TENM3: variants seen among roughly 807,000 people sequenced by gnomAD.
TENM3 encodes the protein teneurin-3.
A neutral mutation model predicts 255.1 loss-of-function variants in TENM3; 63 were observed. The ratio of observed to expected loss-of-function variants is 0.25; its 90% confidence interval spans 0.20 to 0.30. The LOEUF (loss-of-function observed/expected upper bound fraction) is 0.30. Among genes scored for constraint, TENM3 ranks in the 10% least tolerant of loss-of-function variants. The pLI is 1.00. For missense variants in TENM3, 2,929 were observed against 3,461.1 expected (o/e 0.85, Z 3.86); for synonymous variants, 1,306 against 1,322.3 (o/e 0.99, Z 0.27).
At position 182,793,604 on chromosome 4, in the gene TENM3, T is replaced by G; in HGVS notation, c.6932T>G (p.Leu2311Arg). The G allele has an allele frequency of 1.2e-6, 2 of 1,614,034 alleles. No individual in the cohort carries two copies. Among genetic ancestry groups the G allele is most frequent in the Non-Finnish European group, 1.7e-6 (2 of 1,179,876 alleles). ...TPLAVFSSNG[L>R]MLKQIQYTAY... is the part of the protein sequence containing the mutation. ...CTGGCTGTGTTCAGTAGCAATGGGCTTATGCTGAAACAGATTCAGTACACT... is the reference window on the plus strand; with the variant it reads ...CTGGCTGTGTTCAGTAGCAATGGGCGTATGCTGAAACAGATTCAGTACACT... Residue 2311 changes from leucine to arginine, a missense_variant, in exon 26 of 28, where the codon CTT becomes CGT. Physicochemically the swap from Leu to Arg is moderately radical, Grantham distance 102. Transcript: ENST00000511685. The surrounding 1 kb of genome is among the most constrained non-coding windows in gnomAD (Gnocchi z 5.7).
the TENM3 span, among the ~76,000 whole-genome samples, chr4:181,483,333 A>G: frequency 6.6e-6 from 1 of 152,106 alleles, no homozygotes; most frequent in East Asian, 1.9e-4. Flanking sequence ...TTGTTGTCGC[A>G]ATTAGTACGT....
At chr4:181,630,023 T>C in the TENM3 span, among the ~76,000 whole-genome samples, 3 of 152,342 alleles carry the variant, frequency 2.0e-5, no homozygotes, top group Non-Finnish European at 4.4e-5. Flanking sequence ...GAGCCTGTTA[T>C]TGGTCTATTC....
upstream of TENM3, among the ~76,000 whole-genome samples, chr4:182,139,791 G>A (rs1292542210): frequency 1.3e-5 from 2 of 152,208 alleles, no homozygotes; most frequent in Non-Finnish European, 2.9e-5. Flanking sequence ...GTGGTGCTAC[G>A]CAAATGCATT....
At chr4:182,087,687 C>T in the TENM3 span, among the ~76,000 whole-genome samples, 2 of 151,586 alleles carry the variant, frequency 1.3e-5, no homozygotes, top group East Asian at 1.9e-4. Context: ...GACAGAATCG[C>T]TCTCCATTCG....
At chr4:181,902,436 G>T in the TENM3 span, among the ~76,000 whole-genome samples, 1 of 152,246 alleles carries the variant, frequency 6.6e-6, no homozygotes, top group South Asian at 2.1e-4. Flanking sequence ...TGCCCCAAAG[G>T]ATTGTAGATC....
At chr4:182,351,794 G>T (rs1323077292) in intron 3 of TENM3, among the ~76,000 whole-genome samples, 1 of 152,104 alleles carries the variant, frequency 6.6e-6, no homozygotes, top group Non-Finnish European at 1.5e-5. Context: ...TGGGCAAGTT[G>T]CTCACCATTC....
At chr4:181,469,976 C>T in the TENM3 span, among the ~76,000 whole-genome samples, 6 of 151,744 alleles carry the variant, frequency 4.0e-5, no homozygotes, top group African/African-American at 9.7e-5. Context: ...TCACTCCGGT[C>T]GACATGATTC....
intron 3 of TENM3, among the ~76,000 whole-genome samples, chr4:182,573,364 A>G (rs1744597687): frequency 6.6e-6 from 1 of 152,200 alleles, no homozygotes; most frequent in Non-Finnish European, 1.5e-5. Flanking sequence ...ATAAATCTCC[A>G]TAGGGTGTTT....
the TENM3 span, among the ~76,000 whole-genome samples, chr4:181,943,034 A>T: frequency 1.3e-5 from 2 of 152,226 alleles, no homozygotes; most frequent in African/African-American, 4.8e-5. Flanking sequence ...ATCTGTAAGA[A>T]TTGCCATTCA....
chr4:182,679,080 G>A (rs903962737), intron 7 of TENM3, among the ~76,000 whole-genome samples: 3 of 152,066 alleles, frequency 2.0e-5, no homozygotes, highest in African/African-American at 7.2e-5. Context: ...GCTAGGGGAG[G>A]GATAGCATTA....
chr4:182,569,449 G>A (rs188303541), intron 3 of TENM3, among the ~76,000 whole-genome samples: 1 of 152,020 alleles, frequency 6.6e-6, no homozygotes, highest in Admixed American at 6.6e-5. Context: ...AGCTACTCGG[G>A]AGGCTGAGGC....
chr4:182,799,034 C>A lies in TENM3; in HGVS notation c.7345-562C>A, dbSNP rs766703636. Among the ~76,000 whole-genome samples the A allele has an allele frequency of 5.3e-5, 8 of 152,214 alleles. No individual in the cohort carries two copies. The highest frequency in any genetic ancestry group is 5.9e-5 in the Non-Finnish European group (4 of 68,038). ...TATCGTCTCCAGCTGCCCCACCTTC[C>A]ACTCATCCCTGTACATTTCAGTTCT... On this transcript the variant is annotated intron_variant, in intron 27 of 27. Transcript: ENST00000511685. This position sits in a 1 kb window ranked among gnomAD's most constrained non-coding sequence, Gnocchi z 4.2.
intron 18 of TENM3, among the ~76,000 whole-genome samples, chr4:182,740,882 T>C (rs1761552907): frequency 6.6e-6 from 1 of 152,140 alleles, no homozygotes; most frequent in African/African-American, 2.4e-5. Context: ...TTCTAAATTA[T>C]AAAATATATT....
chr4:181,932,590 G>T, the TENM3 span, among the ~76,000 whole-genome samples: 1 of 152,236 alleles, frequency 6.6e-6, no homozygotes, highest in Admixed American at 6.5e-5. Flanking sequence ...TTCAACCATT[G>T]TGGAAGACAG....
chr4:181,771,469 C>A, the TENM3 span, among the ~76,000 whole-genome samples: 3 of 152,310 alleles, frequency 2.0e-5, no homozygotes, highest in South Asian at 6.2e-4. Context: ...CCTAGGTACA[C>A]AAGAGGCCTC....
chr4:181,796,207 A>G, the TENM3 span, among the ~76,000 whole-genome samples: 6 of 152,158 alleles, frequency 3.9e-5, no homozygotes, highest in Non-Finnish European at 7.4e-5. Flanking sequence ...TATGTTCCTT[A>G]TAGTCATCGA....
chr4:182,288,823 G>A (rs917111574), intron 1 of TENM3, among the ~76,000 whole-genome samples: 55 of 152,262 alleles, frequency 3.6e-4, no homozygotes, highest in African/African-American at 1.3e-3. Context: ...ATACCAGAGC[G>A]TACAAAGTCA....
chr4:181,732,504 A>C, the TENM3 span, among the ~76,000 whole-genome samples: 1 of 152,328 alleles, frequency 6.6e-6, no homozygotes, highest in South Asian at 2.1e-4. Context: ...AGCAGCCATT[A>C]TAATGAAAAA....
the TENM3 span, among the ~76,000 whole-genome samples, chr4:181,501,688 T>C: frequency 6.6e-6 from 1 of 152,216 alleles, no homozygotes; most frequent in African/African-American, 2.4e-5. Flanking sequence ...AGATTGGTTT[T>C]TTTTCTATGC....
Sources: allele counts gnomAD v4.1 joint callset (sites outside exome capture counted in the v4.1 genomes callset), GRCh38; gene constraint gnomAD v4.1.1; non-coding constraint Gnocchi (gnomAD v3.1); transcripts MANE v1.5; gene names NCBI Gene and HGNC (gene_info 2026-07-23, HGNC 2026-07-21).